The following GATA4 variants were observed in gnomAD, a reference collection of about 807,000 sequenced individuals.
GATA4 encodes the protein transcription factor GATA-4.
A neutral mutation model predicts 37.9 loss-of-function variants in GATA4; 7 were observed. That is an observed-to-expected ratio of 0.18 (90% CI 0.11 to 0.35). The LOEUF is 0.35. Among genes scored for constraint, GATA4 ranks in the 10% least tolerant of loss-of-function variants. The probability of loss-of-function intolerance (pLI) is 1.00; values close to 1 mark genes in which losing one functional copy is unlikely to be tolerated. For missense variants in GATA4, 647 were observed against 653.0 expected, an observed-to-expected ratio of 0.99 and a Z score of 0.10; for synonymous variants, 372 against 292.6, an observed-to-expected ratio of 1.27 and a Z score of -2.77.
chr8:11,706,597 C>T (rs903058265), intron 1 of GATA4, among the ~76,000 whole-genome samples: 1 of 152,152 alleles, frequency 6.6e-6, no homozygotes, highest in Admixed American at 6.5e-5. Flanking sequence ...GTGTTTATTC[C>T]GTAAGTCTCA....
chr8:11,690,397 T>C (rs1027398752), upstream of GATA4, among the ~76,000 whole-genome samples: 14 of 152,132 alleles, frequency 9.2e-5, no homozygotes, highest in African/African-American at 3.4e-4. Flanking sequence ...TACAAAGATG[T>C]CAAATATAAG....
intron 2 of GATA4, among the ~76,000 whole-genome samples, chr8:11,727,898 G>A (rs1231648874): frequency 6.6e-6 from 1 of 152,094 alleles, no homozygotes; most frequent in African/African-American, 2.4e-5. Flanking sequence ...CATAAAATTG[G>A]AATGGAAACT....
intron 2 of GATA4, among the ~76,000 whole-genome samples, chr8:11,733,216 C>T (rs1801293662): frequency 6.6e-6 from 1 of 151,960 alleles, no homozygotes; most frequent in Admixed American, 6.6e-5. Context: ...TTATTCCAAA[C>T]TCCCTCAAAC....
At chr8:11,714,212 C>T (rs1585610236) in intron 2 of GATA4, among the ~76,000 whole-genome samples, 1 of 152,156 alleles carries the variant, frequency 6.6e-6, no homozygotes, top group Non-Finnish European at 1.5e-5. Flanking sequence ...CCAAGGATTT[C>T]AAAAAGTTTG....
At chr8:11,694,880 C>G (rs117319805) in intron 1 of GATA4, among the ~76,000 whole-genome samples, 225 of 152,252 alleles carry the variant, frequency 1.5e-3, no homozygotes, top group Non-Finnish European at 2.3e-3. Flanking sequence ...ACACACACAC[C>G]TCACTTTTAT....
At chr8:11,699,215 A>G (rs1393791022), upstream of GATA4, among the ~76,000 whole-genome samples, 1 of 152,200 alleles carries the variant, frequency 6.6e-6, no homozygotes, top group Non-Finnish European at 1.5e-5. Context: ...AAATTACTTT[A>G]TAACTTCAGG....
chr8:11,692,587 T>G (rs2129982457), upstream of GATA4: 14 of 984,856 alleles, frequency 1.4e-5, no homozygotes, highest in Non-Finnish European at 1.7e-5. Flanking sequence ...TGGGAGGGCG[T>G]GGCCCCCGCG....
intron 1 of GATA4, among the ~76,000 whole-genome samples, chr8:11,686,511 G>T (rs1330347445): frequency 6.6e-6 from 1 of 152,182 alleles, no homozygotes; most frequent in African/African-American, 2.4e-5. Context: ...TCTGAAGACT[G>T]GAGGCAGCTC....
intron 1 of GATA4, among the ~76,000 whole-genome samples, chr8:11,705,369 C>A (rs796465045): frequency 7.2e-5 from 11 of 152,366 alleles, no homozygotes; most frequent in African/African-American, 2.6e-4. Flanking sequence ...CGACCGTCCT[C>A]CTCGCTGCAG....
Position 11,709,896 on chromosome 8 carries a change from C to G in GATA4, c.616+968C>G, listed in dbSNP as rs10096526. On this transcript the variant is annotated intron_variant, in intron 2 of 6. Coordinates refer to ENST00000532059, the MANE Select transcript of GATA4 (RefSeq NM_001308093.3). The surrounding 1 kb of genome is among the most constrained non-coding windows in gnomAD (Gnocchi z 4.3). ...GGCAACCCCTAGTTCAAAATGCAAACGACCTCTGGAATTTCGGGAAGAGAC... is the reference window on the plus strand; with the variant it reads ...GGCAACCCCTAGTTCAAAATGCAAAGGACCTCTGGAATTTCGGGAAGAGAC... Among the ~76,000 whole-genome samples, 1 of 152,128 alleles carries G rather than the reference C, an allele frequency of 6.6e-6. No homozygotes were observed. Among genetic ancestry groups the G allele is most frequent in the Non-Finnish European group, 1.5e-5 (1 of 68,036 alleles).
chr8:11,744,834 A>T (rs1801950983), intron 2 of GATA4, among the ~76,000 whole-genome samples: 1 of 152,158 alleles, frequency 6.6e-6, no homozygotes. Flanking sequence ...CTTCTATCGC[A>T]ATGGGACTTC....
At chr8:11,680,607 G>T (rs1230132345) in intron 1 of GATA4, 2 of 985,374 alleles carry the variant, frequency 2.0e-6, no homozygotes, top group Non-Finnish European at 2.4e-6. Flanking sequence ...CCGAGCGGCG[G>T]TCGGTGGCGT....
chr8:11,750,987 AAATCAGAC>A (rs1802277731), intron 4 of GATA4, among the ~76,000 whole-genome samples: 1 of 152,152 alleles, frequency 6.6e-6, no homozygotes, highest in East Asian at 1.9e-4. Flanking sequence ...ACTGCAAAGA[AAATCAGAC>A]AATAAAAACA....
intron 1 of GATA4, among the ~76,000 whole-genome samples, chr8:11,693,288 A>G (rs1182675267): frequency 2.0e-5 from 3 of 152,074 alleles, no homozygotes; most frequent in Non-Finnish European, 4.4e-5. Flanking sequence ...CACCATGGCG[A>G]AACTCCATCT....
At chr8:11,748,389 C>G (rs1428305709) in intron 2 of GATA4, among the ~76,000 whole-genome samples, 3 of 151,972 alleles carry the variant, frequency 2.0e-5, no homozygotes, top group Non-Finnish European at 4.4e-5. Flanking sequence ...GACCCTGTCT[C>G]TAATAAAAAG....
At chr8:11,723,231 C>T (rs1291188603) in intron 2 of GATA4, among the ~76,000 whole-genome samples, 1 of 151,950 alleles carries the variant, frequency 6.6e-6, no homozygotes, top group Non-Finnish European at 1.5e-5. Flanking sequence ...GTGGCATGTG[C>T]CTGTAGTCCC....
At position 11,757,504 on chromosome 8, in the gene GATA4, G is replaced by A. The variant is rs114579628; in HGVS notation, c.1149+421G>A. Among the ~76,000 whole-genome samples the A allele has an allele frequency of 1.7e-3, 257 of 152,350 alleles. 1 individual carries two copies. Among genetic ancestry groups the A allele is most frequent in the African/African-American group, 5.8e-3 (240 of 41,578 alleles). ...AGGCGTGGTTGCGCTGTCGGAGGCC[G>A]AGCGGAGGTTCTCTAGGCAAGTCTG... On this transcript the variant is annotated intron_variant, in intron 6 of 6. Transcript: ENST00000532059.
chr8:11,715,514 T>C (rs1222889428), intron 2 of GATA4, among the ~76,000 whole-genome samples: 1 of 151,772 alleles, frequency 6.6e-6, no homozygotes, highest in Non-Finnish European at 1.5e-5. Flanking sequence ...TTTGGGAGGC[T>C]GAGGCGGGCG....
chr8:11,747,381 G>A (rs538883690), intron 2 of GATA4, among the ~76,000 whole-genome samples: 139 of 152,316 alleles, frequency 9.1e-4, no homozygotes, highest in African/African-American at 3.2e-3. Flanking sequence ...AGGTGATGGC[G>A]GGGAGGGGTG....
Sources: allele counts gnomAD v4.1 joint callset (sites outside exome capture counted in the v4.1 genomes callset), GRCh38; gene constraint gnomAD v4.1.1; non-coding constraint Gnocchi (gnomAD v3.1); transcripts MANE v1.5; gene names NCBI Gene and HGNC (gene_info 2026-07-23, HGNC 2026-07-21).